MBNL3: variants seen among roughly 807,000 people sequenced by gnomAD.
MBNL3 encodes muscleblind-like protein 3.
Under a neutral mutation model 24.5 loss-of-function variants are expected in MBNL3, and 6 were observed. The ratio of observed to expected loss-of-function variants is 0.25; its 90% CI spans 0.13 to 0.48. The LOEUF (loss-of-function observed/expected upper bound fraction) is 0.48, where lower values mean the gene tolerates loss of function less well. MBNL3 is among the 20% of genes least tolerant of loss of function. The pLI is 0.99. For synonymous variants in MBNL3, 100 were observed against 101.7 expected, an observed-to-expected ratio of 0.98 and a Z score of 0.10; for missense variants, 230 against 293.5, an observed-to-expected ratio of 0.78 and a Z score of 1.58.
At chrX:132,430,859 T>C in intron 2 of MBNL3, 1 of 113,165 alleles carries the variant, frequency 8.8e-6, no homozygotes, top group Non-Finnish European at 1.9e-5. Flanking sequence ...GCAGCCTCAA[T>C]CTCCCAGGCT....
chrX:132,399,189 A>G (rs1940392698), intron 3 of MBNL3, among the ~76,000 whole-genome samples: 1 of 111,994 alleles, frequency 8.9e-6, no homozygotes, highest in Non-Finnish European at 1.9e-5. Flanking sequence ...AGTTTCAAAA[A>G]TGGTGGCAAA....
intron 1 of MBNL3, among the ~76,000 whole-genome samples, chrX:132,454,885 C>T (rs1946293454): frequency 8.9e-6 from 1 of 111,942 alleles, no homozygotes; most frequent in Non-Finnish European, 1.9e-5. Flanking sequence ...TTTACACAGG[C>T]CTGAGGGTAT....
At chrX:132,483,457 GAATT>G (rs751411808) in intron 1 of MBNL3, among the ~76,000 whole-genome samples, 1 of 111,887 alleles carries the variant, frequency 8.9e-6, no homozygotes, top group African/African-American at 3.3e-5. Flanking sequence ...ATTAAGTAAG[GAATT>G]ATTTCACGAG....
chrX:132,463,269 C>CT (rs1209098934), intron 1 of MBNL3, among the ~76,000 whole-genome samples: 1 of 111,616 alleles, frequency 9.0e-6, no homozygotes, highest in East Asian at 2.8e-4. Flanking sequence ...CAAGACCAGC[C>CT]TGACCAACAT....
At position 132,375,589 on chromosome X, in the gene MBNL3, G is replaced by C. The variant is rs911783364; in HGVS notation, c.*4077C>G. On this transcript the variant is annotated 3_prime_UTR_variant, in exon 9 of 9. Transcript: ENST00000370853. ...AGTAACTAAATTTACAAAAAAAGTTGTTATACTCTTGGACATGCTATTTAT... is the reference window on the plus strand; with the variant it reads ...AGTAACTAAATTTACAAAAAAAGTTCTTATACTCTTGGACATGCTATTTAT... The C allele has an allele frequency of 1.8e-5, 2 of 111,518 alleles. No individual in the cohort carries two copies. Among genetic ancestry groups the C allele is most frequent in the Non-Finnish European group, 3.8e-5 (2 of 52,881 alleles). 9.2% of individuals were successfully genotyped at this position (111,518 alleles called of 1,213,427 possible).
At chrX:132,442,952 T>C (rs1421129840) in intron 1 of MBNL3, among the ~76,000 whole-genome samples, 1 of 112,092 alleles carries the variant, frequency 8.9e-6, no homozygotes, top group Non-Finnish European at 1.9e-5. Context: ...TGTTTGTCTA[T>C]GTATAAAAGA....
At chrX:132,450,713 G>A (rs1409842644) in intron 1 of MBNL3, among the ~76,000 whole-genome samples, 2 of 111,743 alleles carry the variant, frequency 1.8e-5, no homozygotes, top group Admixed American at 9.4e-5. Context: ...CCTTGCTGGC[G>A]AGGAGTTGTG....
intron 2 of MBNL3, among the ~76,000 whole-genome samples, chrX:132,421,842 A>G (rs897930016): frequency 6.3e-5 from 7 of 111,683 alleles, no homozygotes; most frequent in Admixed American, 1.9e-4. Context: ...TAAAATGATA[A>G]CAAGAAAGCA....
At chrX:132,390,335 CA>C (rs1413232751) in intron 5 of MBNL3, among the ~76,000 whole-genome samples, 3 of 106,196 alleles carry the variant, frequency 2.8e-5, no homozygotes, top group Non-Finnish European at 5.8e-5. Context: ...AATTTCCCCC[CA>C]GACTAAGCAG....
chrX:132,415,262 C>T (rs776878615), intron 2 of MBNL3, among the ~76,000 whole-genome samples: 122 of 112,114 alleles, frequency 1.1e-3, no homozygotes, highest in African/African-American at 3.9e-3. Context: ...TTTGCACTAA[C>T]CTTAAACCTT....
intron 1 of MBNL3, among the ~76,000 whole-genome samples, chrX:132,481,432 C>G (rs1310550414): frequency 8.9e-6 from 1 of 112,023 alleles, no homozygotes; most frequent in Non-Finnish European, 1.9e-5. Flanking sequence ...TAGCTGTTTC[C>G]TGTTAATTTA....
chrX:132,467,515 T>C (rs1470227104), intron 1 of MBNL3, among the ~76,000 whole-genome samples: 1 of 112,333 alleles, frequency 8.9e-6, no homozygotes, highest in African/African-American at 3.2e-5. Flanking sequence ...CATTTTCTTA[T>C]TGGTGCTGAG....
At chrX:132,462,712 GTGT>G (rs1444294226) in intron 1 of MBNL3, among the ~76,000 whole-genome samples, 1 of 111,526 alleles carries the variant, frequency 9.0e-6, no homozygotes, top group Non-Finnish European at 1.9e-5. Context: ...GTGTGTGTGT[GTGT>G]TGTTATTTTT....
chrX:132,389,105 A>C (rs1047195954), intron 5 of MBNL3, among the ~76,000 whole-genome samples: 1 of 112,503 alleles, frequency 8.9e-6, no homozygotes, highest in African/African-American at 3.2e-5. Context: ...AAATGGACAG[A>C]TGCATATGAA....
At chrX:132,448,580 C>T (rs1429317555) in intron 1 of MBNL3, among the ~76,000 whole-genome samples, 2 of 111,000 alleles carry the variant, frequency 1.8e-5, no homozygotes, top group African/African-American at 6.6e-5. Context: ...TTAATCTTTT[C>T]AAAATCCAGC....
At position 132,370,631 on chromosome X, in the gene MBNL3, C is replaced by T. The variant is rs1933533831; in HGVS notation, c.*9035G>A. The T allele has an allele frequency of 9.0e-6, 1 of 111,706 alleles. No individual in the cohort carries two copies. The highest frequency in any genetic ancestry group is 1.9e-5 in the Non-Finnish European group (1 of 53,141). 9.2% of individuals were successfully genotyped at this position (111,706 alleles called of 1,213,427 possible). Reference sequence around the variant, plus strand: ...TCCAGGACAGGCAGTATACTAAATACGGCCATTCTTGAACACCATAGGGTA... The same window carrying T: ...TCCAGGACAGGCAGTATACTAAATATGGCCATTCTTGAACACCATAGGGTA... On this transcript the variant is annotated 3_prime_UTR_variant, in exon 9 of 9. Coordinates refer to ENST00000370853, the MANE Select transcript of MBNL3 (RefSeq NM_001386889.1).
chrX:132,486,349 A>C (rs1322642190), intron 1 of MBNL3, among the ~76,000 whole-genome samples: 1 of 112,055 alleles, frequency 8.9e-6, no homozygotes, highest in Non-Finnish European at 1.9e-5. Context: ...AACAGTCAAG[A>C]GACTGTCACT....
At chrX:132,450,044 T>C (rs988619212) in intron 1 of MBNL3, among the ~76,000 whole-genome samples, 62 of 91,343 alleles carry the variant, frequency 6.8e-4, no homozygotes, top group African/African-American at 2.6e-3. Flanking sequence ...GTTAGTCTGA[T>C]GGGCTTCCCT....
At chrX:132,486,964 A>G (rs1181063898) in intron 1 of MBNL3, among the ~76,000 whole-genome samples, 3 of 111,326 alleles carry the variant, frequency 2.7e-5, no homozygotes, top group African/African-American at 9.8e-5. Flanking sequence ...GCCCAGCACT[A>G]TATCAATTAT....
Sources: gnomAD v4.1 joint callset for allele counts (sites outside exome capture counted in the v4.1 genomes callset) on GRCh38, gnomAD v4.1.1 for gene constraint, MANE v1.5 for transcripts, NCBI Gene and HGNC (gene_info 2026-07-23, HGNC 2026-07-21) for gene names.